Variants in FAM227B observed in about 807,000 individuals in gnomAD.
FAM227B encodes the protein family with sequence similarity 227 member B, also known as protein FAM227B.
In FAM227B, 88 loss-of-function variants were observed where a neutral mutation model predicts 73.8. The observed-to-expected ratio is 1.19, with a 90% confidence interval of 1.00 to 1.42. FAM227B has a LOEUF of 1.42. Among genes scored for constraint, FAM227B ranks in the 40% most tolerant of loss-of-function variants. FAM227B has a pLI of 0.00. For missense variants in FAM227B, 632 were observed against 590.9 expected (o/e 1.07, Z -0.72); for synonymous variants, 210 against 190.5 (o/e 1.10, Z -0.84).
At chr15:49,453,357 G>A (rs577144379) in intron 11 of FAM227B, among the ~76,000 whole-genome samples, 13 of 152,052 alleles carry the variant, frequency 8.5e-5, no homozygotes, top group Middle Eastern at 3.4e-3. Flanking sequence ...GCTCACCTCC[G>A]CCTCCCAAAG....
At chr15:49,494,256 A>AACACACAAACAC (rs1555506828) in intron 11 of FAM227B, among the ~76,000 whole-genome samples, 2 of 140,606 alleles carry the variant, frequency 1.4e-5, no homozygotes, top group African/African-American at 5.1e-5. Flanking sequence ...GAGACACACA[A>AACACACAAACAC]ACACACACAC....
chr15:49,448,507 A>C (rs1328600393), intron 11 of FAM227B, among the ~76,000 whole-genome samples: 1 of 151,754 alleles, frequency 6.6e-6, no homozygotes, highest in Non-Finnish European at 1.5e-5. Context: ...TATTGTTTTA[A>C]AAAACTCCTA....
intron 11 of FAM227B, among the ~76,000 whole-genome samples, chr15:49,475,114 GT>G (rs1410881625): frequency 6.6e-6 from 1 of 152,086 alleles, no homozygotes; most frequent in Non-Finnish European, 1.5e-5. Flanking sequence ...AAATTGATCA[GT>G]TTGATTAATT....
At chr15:49,469,772 A>T (rs1229295338) in intron 11 of FAM227B, among the ~76,000 whole-genome samples, 1 of 152,146 alleles carries the variant, frequency 6.6e-6, no homozygotes, top group Non-Finnish European at 1.5e-5. Flanking sequence ...TTTAAAAGTG[A>T]TTGATAATAG....
intron 11 of FAM227B, among the ~76,000 whole-genome samples, chr15:49,472,398 G>A (rs1273359068): frequency 6.6e-6 from 1 of 152,088 alleles, no homozygotes; most frequent in African/African-American, 2.4e-5. Flanking sequence ...GAGCATAAAG[G>A]GCTTCTGCTG....
chr15:49,499,187 A>G (rs1005523640), intron 11 of FAM227B, among the ~76,000 whole-genome samples: 1 of 150,348 alleles, frequency 6.7e-6, no homozygotes, highest in Non-Finnish European at 1.5e-5. Flanking sequence ...AAAAAAAAAA[A>G]AAAGAAGGGC....
At chr15:49,412,550 C>T (rs1567230922) in intron 11 of FAM227B, among the ~76,000 whole-genome samples, 1 of 151,780 alleles carries the variant, frequency 6.6e-6, no homozygotes, top group Non-Finnish European at 1.5e-5. Context: ...ACACGAAGTA[C>T]ATTGACTTGT....
In FAM227B at chr15:49,416,218, T is replaced by G. The variant is rs955902685; in HGVS notation, c.1013-44819A>C. Among the ~76,000 whole-genome samples the G allele has an allele frequency of 2.8e-5, 4 of 141,154 alleles. No homozygotes were observed. In the Admixed American group the frequency reaches 3.1e-4, roughly 11 times the overall value. The allele number at this position is 141,154 out of a possible 152,430, so 92.6% of individuals were successfully genotyped here. On this transcript the variant is annotated intron_variant, in intron 11 of 15. Transcript: ENST00000299338. Reference sequence around the variant, plus strand: ...AATGCATGCTCTGTTAGGGCAGAGGTCACTTCCAGAATATTCACCATTGTA... The same window carrying G: ...AATGCATGCTCTGTTAGGGCAGAGGGCACTTCCAGAATATTCACCATTGTA...
At chr15:49,397,005 T>C (rs2047722849) in intron 11 of FAM227B, among the ~76,000 whole-genome samples, 1 of 152,184 alleles carries the variant, frequency 6.6e-6, no homozygotes, top group Non-Finnish European at 1.5e-5. Flanking sequence ...GAGAATGATT[T>C]TGACGAGCTG....
At chr15:49,396,119 G>A (rs538227750) in intron 11 of FAM227B, 56 of 395,324 alleles carry the variant, frequency 1.4e-4, no homozygotes, top group African/African-American at 1.2e-3. Flanking sequence ...CAGACAGTGG[G>A]CGCAGGTCAG....
intron 11 of FAM227B, among the ~76,000 whole-genome samples, chr15:49,387,174 G>A (rs780673081): frequency 6.6e-6 from 1 of 151,480 alleles, no homozygotes; most frequent in Non-Finnish European, 1.5e-5. Context: ...ACCAAATCCA[G>A]GAAAAGACAC....
At chr15:49,600,270 A>C (rs1300986602) in intron 3 of FAM227B, among the ~76,000 whole-genome samples, 1 of 151,872 alleles carries the variant, frequency 6.6e-6, no homozygotes, top group Non-Finnish European at 1.5e-5. Flanking sequence ...TATTTTAATC[A>C]TCTCTTCACC....
At chr15:49,570,093 G>A (rs953452343) in intron 8 of FAM227B, among the ~76,000 whole-genome samples, 2 of 151,956 alleles carry the variant, frequency 1.3e-5, no homozygotes, top group South Asian at 2.1e-4. Flanking sequence ...TGCAATGAAC[G>A]TGGAAATAGA....
chr15:49,521,420 G>C (rs2059777678), intron 10 of FAM227B, among the ~76,000 whole-genome samples: 2 of 152,220 alleles, frequency 1.3e-5, no homozygotes, highest in Non-Finnish European at 2.9e-5. Flanking sequence ...GCAGCAACTA[G>C]TGGCTGACAA....
At chr15:49,437,934 A>AT (rs906887515) in intron 11 of FAM227B, among the ~76,000 whole-genome samples, 4 of 151,692 alleles carry the variant, frequency 2.6e-5, no homozygotes, top group Non-Finnish European at 5.9e-5. Context: ...CTCAAAAAAC[A>AT]TATTTTAACC....
chr15:49,359,033 A>C (rs904242305), intron 13 of FAM227B, among the ~76,000 whole-genome samples: 4 of 152,148 alleles, frequency 2.6e-5, no homozygotes, highest in Non-Finnish European at 5.9e-5. Flanking sequence ...CTGGCTAGCC[A>C]TATGTATAAA....
chr15:49,434,359 A>G (rs1023566318), intron 11 of FAM227B: 1 of 151,534 alleles, frequency 6.6e-6, no homozygotes, highest in Non-Finnish European at 1.5e-5. Flanking sequence ...TAGTAAGCAA[A>G]TATACAGTCC....
rs1330573300 is a variant in FAM227B, at chr15:49,525,665, A to AACATATATAT, written c.874+16014_874+16015insATATATATGT. ...GAGACTCAAAGTTAAAGGGTGGAGAAATATATATATATATATATATATATA... is the reference window on the plus strand; with the variant it reads ...GAGACTCAAAGTTAAAGGGTGGAGAAACATATATATATATATATATATATATATATATATA... On this transcript the variant is annotated intron_variant, in intron 10 of 15. Transcript: ENST00000299338. Among the ~76,000 whole-genome samples, 24 of 81,490 alleles carry AACATATATAT rather than the reference A, an allele frequency of 2.9e-4. 1 individual carries two copies. Among genetic ancestry groups the AACATATATAT allele is most frequent in the East Asian group, 2.1e-3 (5 of 2,334 alleles). 53.5% of individuals were successfully genotyped at this position (81,490 alleles called of 152,430 possible).
chr15:49,474,713 G>A lies in FAM227B; in HGVS notation c.1012+33498C>T, dbSNP rs781183187. Among the ~76,000 whole-genome samples, 8 of 152,102 alleles carry A rather than the reference G, an allele frequency of 5.3e-5. No individual in the cohort carries two copies. In the South Asian group the frequency reaches 6.2e-4, roughly 12 times the overall value. On this transcript the variant is annotated intron_variant, in intron 11 of 15. Transcript: ENST00000299338. ...GGCGGCAGAGCAGGAGATGAGCTGC[G>A]GGTGAGCAAGCATTCCACCTCCTGT...
Sources: allele counts gnomAD v4.1 joint callset (sites outside exome capture counted in the v4.1 genomes callset), GRCh38; gene constraint gnomAD v4.1.1; transcripts MANE v1.5; gene names NCBI Gene and HGNC (gene_info 2026-07-23, HGNC 2026-07-21).